Variants in FANCD2 observed in about 807,000 individuals in gnomAD.
FANCD2 encodes the protein Fanconi anemia group D2 protein.
Under a neutral mutation model 192.3 loss-of-function variants are expected in FANCD2, and 131 were observed. The ratio of observed to expected loss-of-function variants is 0.68; its 90% CI spans 0.59 to 0.79. FANCD2 has a LOEUF of 0.79. Ranked by LOEUF, FANCD2 falls within the 30% of genes least tolerant of loss-of-function variation. FANCD2 has a pLI of 0.00. For synonymous variants in FANCD2, 524 were observed against 612.5 expected, an observed-to-expected ratio of 0.86 and a Z score of 2.13; for missense variants, 1,508 against 1,701.6, an observed-to-expected ratio of 0.89 and a Z score of 2.00.
chr3:10,037,647 C>T (rs868475124), intron 7 of FANCD2: 2 of 151,216 alleles, frequency 1.3e-5, no homozygotes, highest in Admixed American at 6.6e-5. Context: ...TGAAGTGTTC[C>T]GTATATTGAA....
At chr3:10,054,369 G>GTATATA (rs1559383039) in intron 18 of FANCD2, among the ~76,000 whole-genome samples, 1 of 77,838 alleles carries the variant, frequency 1.3e-5, no homozygotes, top group Non-Finnish European at 2.2e-5. Context: ...ATATATATAC[G>GTATATA]TGTATATACA....
intron 38 of FANCD2, 83 bp downstream of exon 38, chr3:10,092,335 C>T: frequency 9.7e-7 from 1 of 1,026,938 alleles, no homozygotes; most frequent in Non-Finnish European, 1.5e-6. Context: ...ACTTTCCTTG[C>T]TCCTCTTCCC....
chr3:10,030,929 A>G lies in FANCD2; in HGVS notation c.65-1903A>G, dbSNP rs35898916. Reference sequence around the variant, plus strand: ...AAAAAAAGGAAGTTGTGAAGCTCCAATGGTTGATTAGTAATGGGGTTCTAG... The same window carrying G: ...AAAAAAAGGAAGTTGTGAAGCTCCAGTGGTTGATTAGTAATGGGGTTCTAG... On this transcript the variant is annotated intron_variant, in intron 2 of 43. Transcript: ENST00000675286. Among the ~76,000 whole-genome samples the G allele has an allele frequency of 5.9e-5, 9 of 152,104 alleles. No homozygotes were observed. In the East Asian group the frequency reaches 9.6e-4, roughly 16 times the overall value.
At position 10,073,245 on chromosome 3, in the gene FANCD2, T is replaced by C; in HGVS notation, c.2606-8T>C. On this transcript the variant is annotated splice_polypyrimidine_tract_variant and splice_region_variant and intron_variant, in intron 27 of 43. Coordinates refer to ENST00000675286, the MANE Select transcript of FANCD2 (RefSeq NM_001018115.3). ...ACTTGAGTCACTTTTCTCTTTTTAA[T>C]ATAAAAGAAAGGAAACAAAAAACAG... 1 of 1,605,128 alleles carries C rather than the reference T, an allele frequency of 6.2e-7. No individual in the cohort carries two copies. Among genetic ancestry groups the C allele is most frequent in the Non-Finnish European group, 8.5e-7 (1 of 1,172,018 alleles).
chr3:10,081,750 T>A (rs1693851021), intron 32 of FANCD2, among the ~76,000 whole-genome samples: 1 of 152,170 alleles, frequency 6.6e-6, no homozygotes, highest in Non-Finnish European at 1.5e-5. Flanking sequence ...TTTAGCATGC[T>A]TTAATTCCAG....
chr3:10,040,325 C>T (rs1263006479), intron 9 of FANCD2: 12 of 358,982 alleles, frequency 3.3e-5, no homozygotes, highest in Middle Eastern at 9.7e-4. Flanking sequence ...CATGAGCCAC[C>T]GTGCCTGGCC....
intron 18 of FANCD2, among the ~76,000 whole-genome samples, chr3:10,055,865 T>TTTG (rs573146839): frequency 6.6e-5 from 10 of 151,930 alleles, no homozygotes; most frequent in Non-Finnish European, 1.5e-4. Flanking sequence ...ATTCTTTGTT[T>TTTG]TTGTTGTTGT....
intron 29 of FANCD2, among the ~76,000 whole-genome samples, chr3:10,075,096 C>T (rs1693461142): frequency 6.6e-6 from 1 of 152,130 alleles, no homozygotes; most frequent in South Asian, 2.1e-4. Context: ...TTCAGTAGTA[C>T]ATAGAGCATC....
At chr3:10,067,103 C>T (rs1448880893) in intron 25 of FANCD2, 106 bp from the exon 26 acceptor site, 18 of 796,276 alleles carry the variant, frequency 2.3e-5, no homozygotes, top group Non-Finnish European at 3.8e-5. Context: ...AGACTAAACT[C>T]AAAGATCTTG....
chr3:10,067,580 T>G (rs985520756), intron 26 of FANCD2, among the ~76,000 whole-genome samples: 3 of 152,260 alleles, frequency 2.0e-5, no homozygotes, highest in African/African-American at 7.2e-5. Flanking sequence ...GGTGGATCAC[T>G]TGAGGTCAGG....
intron 17 of FANCD2, among the ~76,000 whole-genome samples, chr3:10,051,107 G>C (rs1192194892): frequency 6.7e-6 from 1 of 148,232 alleles, no homozygotes; most frequent in Non-Finnish European, 1.5e-5. Flanking sequence ...GAGGCCGGGC[G>C]CGGTGGCTCA....
chr3:10,036,242 T>G (rs1458938752), intron 6 of FANCD2, 45 bp from the exon 7 acceptor site: 2 of 1,488,908 alleles, frequency 1.3e-6, no homozygotes, highest in African/African-American at 2.8e-5. Context: ...ATTTCTATTG[T>G]GTATTTTGAG....
chr3:10,069,833 C>T (rs1189948273), intron 26 of FANCD2, among the ~76,000 whole-genome samples: 2 of 152,148 alleles, frequency 1.3e-5, no homozygotes, highest in African/African-American at 4.8e-5. Context: ...TCCCAGCCAC[C>T]TGCCTTGGCC....
chr3:10,072,471 G>T (rs1693307335), intron 26 of FANCD2, among the ~76,000 whole-genome samples: 1 of 152,016 alleles, frequency 6.6e-6, no homozygotes, highest in African/African-American at 2.4e-5. Flanking sequence ...TAGAGATAGG[G>T]TTTCACCATG....
At chr3:10,079,586 A>G (rs1357973809) in intron 30 of FANCD2, among the ~76,000 whole-genome samples, 11 of 152,170 alleles carry the variant, frequency 7.2e-5, no homozygotes, top group Admixed American at 7.2e-4. Flanking sequence ...TCGGCCTCCC[A>G]AAGTGCTGGG....
intron 6 of FANCD2, 136 bp from the exon 7 acceptor site, chr3:10,036,151 A>G: frequency 1.6e-6 from 1 of 644,868 alleles, no homozygotes; most frequent in Non-Finnish European, 2.9e-6. Flanking sequence ...GAGTGGTGCA[A>G]TCTCGGCTCA....
At position 10,076,035 on chromosome 3, in the gene FANCD2, C is replaced by CT. The variant is rs138155691; in HGVS notation, c.2859+1378dup. Among the ~76,000 whole-genome samples, 355 of 141,710 alleles carry CT rather than the reference C, an allele frequency of 2.5e-3. 5 individuals are homozygous for CT. Among genetic ancestry groups the CT allele is most frequent in the African/African-American group, 5.7e-3 (222 of 39,058 alleles). The allele number at this position is 141,710 out of a possible 152,430, so 93.0% of individuals were successfully genotyped here. On this transcript the variant is annotated intron_variant, in intron 29 of 43. Coordinates refer to ENST00000675286, the MANE Select transcript of FANCD2 (RefSeq NM_001018115.3). ...TGTGAGCCACTGCGCCCAGCCATATCTTTTTTTTTTTTTTTTAATCTTTCT... is the reference window on the plus strand; with the variant it reads ...TGTGAGCCACTGCGCCCAGCCATATCTTTTTTTTTTTTTTTTTAATCTTTCT...
chr3:10,080,399 A>G (rs1693770343), intron 30 of FANCD2, among the ~76,000 whole-genome samples: 1 of 152,146 alleles, frequency 6.6e-6, no homozygotes. Context: ...GCACTCAGCT[A>G]ATTTTTGTAT....
chr3:10,086,310 A>G lies in FANCD2; in HGVS notation c.3335+388A>G, dbSNP rs199996121. ...TCCCCTTGTCTTGTAGGAAGACCTT[A>G]TGTGGCTGAGGGGTAGGCAGTGGAC... is the stretch of plus-strand genomic sequence containing the variant. On this transcript the variant is annotated intron_variant, in intron 33 of 43. Transcript: ENST00000675286. Among the ~76,000 whole-genome samples the G allele has an allele frequency of 2.0e-5, 3 of 152,248 alleles. No individual in the cohort carries two copies. The East Asian group carries it at 5.8e-4, about 29-fold the overall frequency.
Sources: allele counts gnomAD v4.1 joint callset (sites outside exome capture counted in the v4.1 genomes callset), GRCh38; gene constraint gnomAD v4.1.1; transcripts MANE v1.5; gene names NCBI Gene and HGNC (gene_info 2026-07-23, HGNC 2026-07-21).